TTPAL: variants seen among roughly 807,000 people sequenced by gnomAD.
TTPAL encodes alpha tocopherol transfer protein like, also known as alpha-tocopherol transfer protein-like.
In TTPAL, 21 loss-of-function variants were observed where a neutral mutation model predicts 28.7. The observed-to-expected ratio is 0.73, with a 90% CI of 0.52 to 1.06. The LOEUF (loss-of-function observed/expected upper bound fraction) is 1.06, where lower values mean the gene tolerates loss of function less well. TTPAL is among the 50% of genes least tolerant of loss of function. TTPAL has a pLI of 0.00. For synonymous variants in TTPAL, 169 were observed against 171.9 expected, an observed-to-expected ratio of 0.98 and a Z score of 0.13; for missense variants, 345 against 425.5, an observed-to-expected ratio of 0.81 and a Z score of 1.67.
rs1294543056 is a variant in TTPAL at position 44,491,006 on chromosome 20, G to A, written c.*1465G>A. 1 of 147,980 alleles carries A rather than the reference G, an allele frequency of 6.8e-6. No individual in the cohort carries two copies. Among genetic ancestry groups the A allele is most frequent in the Non-Finnish European group, 1.5e-5 (1 of 67,626 alleles). The allele number at this position is 147,980 out of a possible 1,614,324, so 9.2% of individuals were successfully genotyped here. A position where few individuals can be genotyped will look rare whatever the true frequency, so the allele number is the denominator to read the frequency against. ...CAGAAGAATCACGTGAACCCAGGAGGCAGAAGTGGCAGTGAGCCAAGATCG... is the reference window on the plus strand; with the variant it reads ...CAGAAGAATCACGTGAACCCAGGAGACAGAAGTGGCAGTGAGCCAAGATCG... On this transcript the variant is annotated 3_prime_UTR_variant, in exon 5 of 5. Transcript: ENST00000262605.
rs1484230595 is a variant in TTPAL, at chr20:44,480,340, A to G, written c.341A>G (p.Asn114Ser). ...SCRRSWPEVF[N>S]NLKPSALKDV... is the part of the protein sequence containing the mutation. ...AGAAGAAGCTGGCCCGAAGTCTTCA[A>G]TAACTTGAAGCCATCAGCCTTAAAA... The change falls in exon 2 of 5, where the codon AAT becomes AGT. Residue 114 changes from asparagine (N) to serine (S), a missense_variant. Asn to Ser is a conservative substitution (Grantham distance 46). Transcript: ENST00000262605. The surrounding 1 kb of genome is among the most constrained non-coding windows in gnomAD (Gnocchi z 4.1). 3 of 1,614,164 alleles carry G rather than the reference A, an allele frequency of 1.9e-6. No individual in the cohort carries two copies. Among genetic ancestry groups the G allele is most frequent in the South Asian group, 2.2e-5 (2 of 91,076 alleles).
Position 44,491,277 on chromosome 20 carries a change from A to G in TTPAL, c.*1736A>G, listed in dbSNP as rs1005571770. ...ACCTCCCTGTGAAGATTTTAGCCTTAGCCCAAACATCAAATTAGACGGTTC... is the reference window on the plus strand; with the variant it reads ...ACCTCCCTGTGAAGATTTTAGCCTTGGCCCAAACATCAAATTAGACGGTTC... On this transcript the variant is annotated 3_prime_UTR_variant, in exon 5 of 5. Coordinates refer to ENST00000262605, the MANE Select transcript of TTPAL (RefSeq NM_001039199.3). The G allele has an allele frequency of 3.3e-5, 5 of 152,142 alleles. No homozygotes were observed. Among genetic ancestry groups the G allele is most frequent in the African/African-American group, 9.7e-5 (4 of 41,444 alleles). 9.4% of individuals were successfully genotyped at this position (152,142 alleles called of 1,614,324 possible).
At chr20:44,481,471 G>A (rs1337856746) in intron 2 of TTPAL, among the ~76,000 whole-genome samples, 1 of 152,122 alleles carries the variant, frequency 6.6e-6, no homozygotes, top group Non-Finnish European at 1.5e-5. Context: ...TCTTAGGCCT[G>A]TTCTCTTCCA....
chr20:44,485,478 C>A (rs1822765335), intron 3 of TTPAL, among the ~76,000 whole-genome samples: 3 of 152,146 alleles, frequency 2.0e-5, no homozygotes, highest in Admixed American at 6.5e-5. Flanking sequence ...ATTACTTGTT[C>A]ATTCTGACCC....
At position 44,491,631 on chromosome 20, in the gene TTPAL, TG is replaced by T. The variant is rs2064207087; in HGVS notation, c.*2092del. On this transcript the variant is annotated 3_prime_UTR_variant, in exon 5 of 5. Transcript: ENST00000262605. ...GGATCCTCTACGGTACTGGCTGAGC[TG>T]GAAGTGCCAAAAAGCACTCCTGGCT... 1 of 152,334 alleles carries T rather than the reference TG, an allele frequency of 6.6e-6. No individual in the cohort carries two copies. The allele number at this position is 152,334 out of a possible 1,614,324, so 9.4% of individuals were successfully genotyped here. A position where few individuals can be genotyped will look rare whatever the true frequency, so the allele number is the denominator to read the frequency against.
Position 44,489,275 on chromosome 20 carries a change from G to C in TTPAL, c.763G>C (p.Gly255Arg). Reference protein sequence around the residue: ...EKIANRFFLHGSDLNSLHTNL... With the variant: ...EKIANRFFLHRSDLNSLHTNL... ...CATTCCCTTTTAGTTCTTCCTCCATGGGTCTGACTTGAACTCTCTCCACAC... is the reference window on the plus strand; with the variant it reads ...CATTCCCTTTTAGTTCTTCCTCCATCGGTCTGACTTGAACTCTCTCCACAC... The change falls in exon 5 of 5, where the codon GGG becomes CGG. Residue 255 changes from glycine to arginine, a missense_variant. Transcript: ENST00000262605. The C allele has an allele frequency of 6.2e-7, 1 of 1,612,882 alleles. No homozygotes were observed. Among genetic ancestry groups the C allele is most frequent in the Non-Finnish European group, 8.5e-7 (1 of 1,178,982 alleles).
At chr20:44,477,557 G>A (rs951272481) in intron 1 of TTPAL, among the ~76,000 whole-genome samples, 2 of 152,278 alleles carry the variant, frequency 1.3e-5, no homozygotes, top group East Asian at 3.9e-4. Flanking sequence ...TAAATGGTCT[G>A]CTTCAGTCCT....
rs537907973 is a variant in TTPAL, at chr20:44,480,833, T to G, written c.445+389T>G. On this transcript the variant is annotated intron_variant, in intron 2 of 4. Transcript: ENST00000262605. The surrounding 1 kb of genome is among the most constrained non-coding windows in gnomAD (Gnocchi z 4.1). ...TTTCTGTGTATGGCTGTCCCGCTCC[T>G]GTGCACGTAGTTAAATCTGGCACCC... Among the ~76,000 whole-genome samples, 30 of 152,368 alleles carry G rather than the reference T, an allele frequency of 2.0e-4. No individual in the cohort carries two copies. The highest frequency in any genetic ancestry group is 7.0e-4 in the African/African-American group (29 of 41,588).
At chr20:44,485,409 T>C (rs1275889364) in intron 3 of TTPAL, among the ~76,000 whole-genome samples, 5 of 152,114 alleles carry the variant, frequency 3.3e-5, no homozygotes, top group African/African-American at 1.2e-4. Context: ...TCCTTTTTGA[T>C]AGATGGGAAG....
At chr20:44,489,234 A>G (rs773164379) in intron 4 of TTPAL, 29 bp from the exon 5 acceptor site, 3 of 1,601,234 alleles carry the variant, frequency 1.9e-6, no homozygotes, top group Non-Finnish European at 1.7e-6. Flanking sequence ...ACCTAAGGAC[A>G]TGTGTGTTTT....
rs754930346 is a variant in TTPAL at position 44,486,584 on chromosome 20, T to C, written c.640-12T>C. Reference sequence around the variant, plus strand: ...TCCAGATGTTCTAAACCCCTTTGCCTTTCCCACACAGGATGGTTTCCCCAT... The same window carrying C: ...TCCAGATGTTCTAAACCCCTTTGCCCTTCCCACACAGGATGGTTTCCCCAT... On this transcript the variant is annotated splice_polypyrimidine_tract_variant and intron_variant, in intron 3 of 4. Transcript: ENST00000262605. 14 of 1,560,484 alleles carry C rather than the reference T, an allele frequency of 9.0e-6. No individual in the cohort carries two copies. The East Asian group carries it at 2.9e-4, about 32-fold the overall frequency.
At chr20:44,483,794 G>A (rs536885719) in intron 2 of TTPAL, among the ~76,000 whole-genome samples, 1 of 152,130 alleles carries the variant, frequency 6.6e-6, no homozygotes, top group African/African-American at 2.4e-5. Context: ...TGACTTCAGA[G>A]TGCATACTTT....
chr20:44,489,001 C>T (rs1600796698), intron 4 of TTPAL, among the ~76,000 whole-genome samples: 1 of 152,242 alleles, frequency 6.6e-6, no homozygotes, highest in East Asian at 1.9e-4. Context: ...GATGTGGCTG[C>T]TGCCATTAAT....
rs2064234744 is a variant in TTPAL at position 44,494,307 on chromosome 20, G to A, written c.*4766G>A. 1 of 152,744 alleles carries A rather than the reference G, an allele frequency of 6.5e-6. No homozygotes were observed. The highest frequency in any genetic ancestry group is 6.6e-5 in the Admixed American group (1 of 15,266). 9.5% of individuals were successfully genotyped at this position (152,744 alleles called of 1,614,324 possible). ...TTCTTGGCATATCAGGTAGGAACCT[G>A]TTACAAGTGAAATACTTGAAACCTC... On this transcript the variant is annotated 3_prime_UTR_variant, in exon 5 of 5. Coordinates refer to ENST00000262605, the MANE Select transcript of TTPAL (RefSeq NM_001039199.3).
In TTPAL at chr20:44,494,444, CT is replaced by C; in HGVS notation, c.*4906del. 6.5e-6 allele frequency: 1 copy of C among 152,848 alleles called. No homozygotes were observed. The highest frequency in any genetic ancestry group is 1.9e-4 in the East Asian group (1 of 5,320). 9.5% of individuals were successfully genotyped at this position (152,848 alleles called of 1,614,324 possible). On this transcript the variant is annotated 3_prime_UTR_variant, in exon 5 of 5. Transcript: ENST00000262605. ...TGCTTCAAACTGAAATTCAGTTTGG[CT>C]TTGAGTATAGGGATACATGGTGGAT...
chr20:44,484,294 A>G lies in TTPAL; in HGVS notation c.446-43A>G, dbSNP rs749317835. 3.0e-6 allele frequency: 4 copies of G among 1,327,664 alleles called. No homozygotes were observed. The East Asian group carries it at 9.8e-5, about 32-fold the overall frequency. The allele number at this position is 1,327,664 out of a possible 1,614,324, so 82.2% of individuals were successfully genotyped here. On this transcript the variant is annotated intron_variant, in intron 2 of 4. Transcript: ENST00000262605. ...TAAATCTTTGTTTGACCACTTATTT[A>G]TATTAACTTCTGTAACATACTGTCA...
Position 44,490,977 on chromosome 20 carries a change from G to A in TTPAL, c.*1436G>A, listed in dbSNP as rs2064199855. ...TGTAGTCCCAGCTACTCGGGAGGCT[G>A]AGGCAGAAGAATCACGTGAACCCAG... On this transcript the variant is annotated 3_prime_UTR_variant, in exon 5 of 5. Transcript: ENST00000262605. 6.7e-6 allele frequency: 1 copy of A among 149,704 alleles called. No homozygotes were observed. 9.3% of individuals were successfully genotyped at this position (149,704 alleles called of 1,614,324 possible). A position where few individuals can be genotyped will look rare whatever the true frequency, so the allele number is the denominator to read the frequency against.
At position 44,491,232 on chromosome 20, in the gene TTPAL, C is replaced by T. The variant is rs998827179; in HGVS notation, c.*1691C>T. 3 of 151,224 alleles carry T rather than the reference C, an allele frequency of 2.0e-5. No individual in the cohort carries two copies. Among genetic ancestry groups the T allele is most frequent in the African/African-American group, 7.3e-5 (3 of 41,146 alleles). The allele number at this position is 151,224 out of a possible 1,614,324, so 9.4% of individuals were successfully genotyped here. A position where few individuals can be genotyped will look rare whatever the true frequency, so the allele number is the denominator to read the frequency against. The stretch of plus-strand genomic sequence containing the variant: ...GGGTGAACCAGTCAGCCTGAATGTT[C>T]TGCATTTCAGCACTTTAGAACCTCC... On this transcript the variant is annotated 3_prime_UTR_variant, in exon 5 of 5. Coordinates refer to ENST00000262605, the MANE Select transcript of TTPAL (RefSeq NM_001039199.3).
intron 4 of TTPAL, among the ~76,000 whole-genome samples, chr20:44,488,835 G>T (rs1055170300): frequency 6.6e-6 from 1 of 152,194 alleles, no homozygotes; most frequent in African/African-American, 2.4e-5. Flanking sequence ...GCTAGATTAT[G>T]ATGGGCCTCA....
Sources: gnomAD v4.1 joint callset for allele counts (sites outside exome capture counted in the v4.1 genomes callset) on GRCh38, gnomAD v4.1.1 for gene constraint, Gnocchi (gnomAD v3.1) non-coding constraint, MANE v1.5 for transcripts, NCBI Gene and HGNC (gene_info 2026-07-23, HGNC 2026-07-21) for gene names.